SUN1: variants seen among roughly 807,000 people sequenced by gnomAD.
SUN1 encodes the protein Sad1 and UNC84 domain containing 1.
A neutral mutation model predicts 103.2 loss-of-function variants in SUN1; 61 were observed. The observed-to-expected ratio is 0.59, with a 90% confidence interval of 0.48 to 0.73. The LOEUF (loss-of-function observed/expected upper bound fraction) is 0.73, where lower values mean the gene tolerates loss of function less well. SUN1 is among the 30% of genes least tolerant of loss of function. The pLI is 0.00. For missense variants in SUN1, 1,052 were observed against 1,034.6 expected, an observed-to-expected ratio of 1.02 and a Z score of -0.23; for synonymous variants, 490 against 425.7, an observed-to-expected ratio of 1.15 and a Z score of -1.86.
intron 5 of SUN1, among the ~76,000 whole-genome samples, chr7:849,350 C>G (rs1343602192): frequency 6.6e-6 from 1 of 152,214 alleles, no homozygotes; most frequent in East Asian, 1.9e-4. Context: ...TCTCGTGGCC[C>G]GGGCCCTGTC....
At chr7:857,713 C>T in intron 12 of SUN1, 115 bp from the exon 13 acceptor site, 1 of 1,326,922 alleles carries the variant, frequency 7.5e-7, no homozygotes. Context: ...AGGATGACAT[C>T]TGTACAGTTG....
At chr7:853,724 A>C (rs1824366486) in intron 10 of SUN1, 106 bp downstream of exon 10, 3 of 1,279,514 alleles carry the variant, frequency 2.3e-6, no homozygotes, top group African/African-American at 3.0e-5. Flanking sequence ...TGCCGTTGTG[A>C]AAAGGGGTTG....
At chr7:867,077 C>T (rs1043117109) in intron 16 of SUN1, among the ~76,000 whole-genome samples, 15 of 152,238 alleles carry the variant, frequency 9.9e-5, no homozygotes, top group African/African-American at 1.4e-4. Context: ...TCATGAAGTG[C>T]CTGTGACCTG....
Position 852,028 on chromosome 7 carries a change from T to C in SUN1, c.836T>C (p.Val279Ala). The C allele has an allele frequency of 6.2e-7, 1 of 1,614,196 alleles. No individual in the cohort carries two copies. The highest frequency in any genetic ancestry group is 1.1e-5 in the South Asian group (1 of 91,084). The change falls in exon 7 of 19, where the codon GTG becomes GCG. Residue 279 changes from valine to alanine, a missense_variant. Val to Ala is a moderately conservative substitution (Grantham distance 64, BLOSUM62 0). Transcript: ENST00000401592. Reference sequence around the variant, plus strand: ...GTTACTTTGATTTCTTGGCTGAATGTGTTTCTTCTTACCAGGTAAGGAAAT... The same window carrying C: ...GTTACTTTGATTTCTTGGCTGAATGCGTTTCTTCTTACCAGGTAAGGAAAT... ...QFVTLISWLN[V>A]FLLTRCLRNI...
rs200128195 is a variant in SUN1 at position 860,350 on chromosome 7, A to G, written c.1747A>G (p.Ser583Gly). ...CTCAGAAGCCGTGGTGTCTGCTGTG[A>G]GCGAGGCGGGGGCGTCTGGAATAAC... ...PTSEAVVSAVSEAGASGITEA... is the reference protein window; with the variant it reads ...PTSEAVVSAVGEAGASGITEA... Residue 583 changes from serine (S) to glycine (G), a missense_variant, in exon 14 of 19, where the codon AGC becomes GGC. Ser to Gly is a moderately conservative substitution (Grantham distance 56, BLOSUM62 0). This residue lies in a region of SUN1 where 846 missense variants were observed against 774.5 expected (regional missense o/e 1.09). Transcript: ENST00000401592. 1.0e-4 allele frequency: 163 copies of G among 1,614,030 alleles called. No individual in the cohort carries two copies. Among genetic ancestry groups the G allele is most frequent in the Non-Finnish European group, 1.3e-4 (154 of 1,180,006 alleles).
chr7:864,361 A>G (rs1255026340), intron 15 of SUN1, among the ~76,000 whole-genome samples: 1 of 152,042 alleles, frequency 6.6e-6, no homozygotes, highest in Non-Finnish European at 1.5e-5. Context: ...CACCCTGACC[A>G]ACATAGAGAA....
At chr7:844,344 C>T (rs1251456570) in intron 5 of SUN1, among the ~76,000 whole-genome samples, 12 of 152,236 alleles carry the variant, frequency 7.9e-5, no homozygotes, top group Admixed American at 7.9e-4. Flanking sequence ...TCACGTTCTG[C>T]TGTGCCTGGA....
intron 16 of SUN1, among the ~76,000 whole-genome samples, chr7:866,964 C>T (rs539495592): frequency 1.3e-5 from 2 of 152,234 alleles, no homozygotes; most frequent in East Asian, 3.9e-4. Context: ...AATCCTGCCT[C>T]ATATTCATGA....
chr7:823,484 T>C (rs1788362445), intron 1 of SUN1, among the ~76,000 whole-genome samples: 1 of 152,114 alleles, frequency 6.6e-6, no homozygotes, highest in South Asian at 2.1e-4. Flanking sequence ...CAGGAGGACA[T>C]TCATTGCAAG....
intron 15 of SUN1, among the ~76,000 whole-genome samples, chr7:864,570 A>G (rs1274698919): frequency 1.3e-5 from 2 of 150,154 alleles, no homozygotes; most frequent in African/African-American, 4.9e-5. Context: ...AAAAAAAAAA[A>G]AAAGCACAAT....
intron 2 of SUN1, among the ~76,000 whole-genome samples, chr7:840,425 C>T (rs930854051): frequency 5.3e-5 from 8 of 152,212 alleles, no homozygotes; most frequent in African/African-American, 1.2e-4. Flanking sequence ...CGCGCTCTGC[C>T]GCGCCACGCT....
chr7:825,898 T>G (rs908681184), intron 1 of SUN1, among the ~76,000 whole-genome samples: 2 of 49,224 alleles, frequency 4.1e-5, no homozygotes, highest in African/African-American at 1.1e-4. Flanking sequence ...TTAGTACTGG[T>G]TTTTTTTTTT....
At position 852,945 on chromosome 7, in the gene SUN1, C is replaced by G; in HGVS notation, c.1046C>G (p.Pro349Arg). The G allele has an allele frequency of 1.2e-6, 2 of 1,612,580 alleles. No individual in the cohort carries two copies. Among genetic ancestry groups the G allele is most frequent in the South Asian group, 1.1e-5 (1 of 90,850 alleles). Residue 349 changes from proline to arginine, a missense_variant, in exon 9 of 19, where the codon CCT becomes CGT. Coordinates refer to ENST00000401592, the MANE Select transcript of SUN1 (RefSeq NM_001130965.3). ...CCCACGACTTCTCGCCTGAAGCAGC[C>G]TCTGCAGGTAAGAGGGTAGAAAGGC... ...FKPTTSRLKQ[P>R]LQGDSEAFPW...
intron 3 of SUN1, chr7:842,979 G>A: frequency 3.1e-6 from 2 of 647,980 alleles, no homozygotes; most frequent in South Asian, 4.0e-5. Context: ...CAGGTGCTGT[G>A]TGTGCTGCCG....
intron 1 of SUN1, among the ~76,000 whole-genome samples, chr7:837,679 G>T (rs891814800): frequency 6.6e-6 from 1 of 152,158 alleles, no homozygotes; most frequent in African/African-American, 2.4e-5. Flanking sequence ...GTAATAAAGT[G>T]CTTTAATACG....
At chr7:849,285 T>C (rs1819573919) in intron 5 of SUN1, among the ~76,000 whole-genome samples, 1 of 152,202 alleles carries the variant, frequency 6.6e-6, no homozygotes, top group Non-Finnish European at 1.5e-5. Context: ...AATCTTTGTA[T>C]TGTTTGGGCC....
intron 18 of SUN1, 75 bp from the exon 19 acceptor site, chr7:873,140 A>G: frequency 2.3e-6 from 3 of 1,327,228 alleles, no homozygotes; most frequent in African/African-American, 1.4e-5. Flanking sequence ...GTCAGACGTC[A>G]TATTTGGGGA....
At chr7:848,922 C>T (rs1819153570) in intron 5 of SUN1, among the ~76,000 whole-genome samples, 1 of 152,186 alleles carries the variant, frequency 6.6e-6, no homozygotes, top group African/African-American at 2.4e-5. Flanking sequence ...AAAAACTTTA[C>T]CTGAGTGGTA....
At chr7:831,945 T>TA, upstream of SUN1, 1 of 699,202 alleles carries the variant, frequency 1.4e-6, no homozygotes, top group Non-Finnish European at 1.8e-6. Context: ...CTTTCTAACC[T>TA]AAAAAATATC....
Sources: allele counts gnomAD v4.1 joint callset (sites outside exome capture counted in the v4.1 genomes callset), GRCh38; gene constraint gnomAD v4.1.1; regional missense constraint gnomAD v4.1.1; transcripts MANE v1.5; gene names NCBI Gene and HGNC (gene_info 2026-07-23, HGNC 2026-07-21).